The following ABAT variants were observed in gnomAD, a reference collection of about 807,000 sequenced individuals.
ABAT encodes 4-aminobutyrate aminotransferase.
In ABAT, 45 loss-of-function variants were observed where a neutral mutation model predicts 64.6. The ratio of observed to expected loss-of-function variants is 0.70; its 90% CI spans 0.55 to 0.89. The LOEUF (loss-of-function observed/expected upper bound fraction) is 0.89. Among genes scored for constraint, ABAT ranks in the 40% least tolerant of loss-of-function variants. The probability of loss-of-function intolerance (pLI) is 0.00; values close to 1 mark genes in which losing one functional copy is unlikely to be tolerated. For synonymous variants in ABAT, 297 were observed against 250.5 expected, an observed-to-expected ratio of 1.19 and a Z score of -1.75; for missense variants, 633 against 658.4, an observed-to-expected ratio of 0.96 and a Z score of 0.42.
At chr16:8,732,976 G>A (rs1357240350) in intron 1 of ABAT, among the ~76,000 whole-genome samples, 4 of 149,214 alleles carry the variant, frequency 2.7e-5, no homozygotes, top group Non-Finnish European at 4.4e-5. Context: ...CGGGCGGGGG[G>A]CTGATGCCCC....
intron 1 of ABAT, among the ~76,000 whole-genome samples, chr16:8,711,018 A>G (rs550882423): frequency 6.6e-6 from 1 of 152,300 alleles, no homozygotes; most frequent in Admixed American, 6.5e-5. Flanking sequence ...GATATACCCA[A>G]GTTTATTTTA....
intron 1 of ABAT, among the ~76,000 whole-genome samples, chr16:8,704,730 T>C (rs987556572): frequency 1.3e-5 from 2 of 152,216 alleles, no homozygotes; most frequent in African/African-American, 4.8e-5. Context: ...CCCTGTCTTT[T>C]TACACAGTTT....
At position 8,764,186 on chromosome 16, in the gene ABAT, G is replaced by T; in HGVS notation, c.447+37G>T. On this transcript the variant is annotated intron_variant, in intron 7 of 15. Transcript: ENST00000268251. This position sits in a 1 kb window ranked among gnomAD's most constrained non-coding sequence, Gnocchi z 4.2. ...AGAAGCAATCCCATTGTCTTCAGACGTGGTACTGGCAGGGGAAGGGAAAAG... is the reference window on the plus strand; with the variant it reads ...AGAAGCAATCCCATTGTCTTCAGACTTGGTACTGGCAGGGGAAGGGAAAAG... 3 of 1,559,900 alleles carry T rather than the reference G, an allele frequency of 1.9e-6. No individual in the cohort carries two copies. Among genetic ancestry groups the T allele is most frequent in the Non-Finnish European group, 2.6e-6 (3 of 1,132,476 alleles).
chr16:8,764,776 C>G lies in ABAT; in HGVS notation c.486C>G (p.Ala162=). ...GGATGTCCCAGCTCATCACCATGGC[C>G]TGCGGCTCCTGCTCCAATGAAAACG... is the stretch of plus-strand genomic sequence containing the variant. ...PKGMSQLITM[A]CGSCSNENAL... is the part of the protein sequence containing the mutation. The change falls in exon 8 of 16, where the codon GCC becomes GCG. Residue 162 remains alanine, a synonymous_variant. Coordinates refer to ENST00000268251, the MANE Select transcript of ABAT (RefSeq NM_020686.6). The surrounding 1 kb of genome is among the most constrained non-coding windows in gnomAD (Gnocchi z 4.2). 1 of 1,614,162 alleles carries G rather than the reference C, an allele frequency of 6.2e-7. No individual in the cohort carries two copies. Among genetic ancestry groups the G allele is most frequent in the African/African-American group, 1.3e-5 (1 of 75,036 alleles).
rs370219827 is a variant in ABAT, at chr16:8,680,616, C to T, written c.-42+5905C>T. Among the ~76,000 whole-genome samples, 8 of 152,128 alleles carry T rather than the reference C, an allele frequency of 5.3e-5. No individual in the cohort carries two copies. In the East Asian group the frequency reaches 1.4e-3, roughly 26 times the overall value. On this transcript the variant is annotated intron_variant, in intron 1 of 15. Coordinates refer to ENST00000268251, the MANE Select transcript of ABAT (RefSeq NM_020686.6). ...AATTTTTTTGTATTTTTAGTAGAGA[C>T]GGGGTTTCACCATGTTGGCCAGGCT...
intron 12 of ABAT, among the ~76,000 whole-genome samples, chr16:8,774,405 T>C (rs937137321): frequency 1.3e-4 from 20 of 152,288 alleles, no homozygotes; most frequent in African/African-American, 4.8e-4. Context: ...CTTGTGCATA[T>C]ATAACTGGCA....
chr16:8,776,285 G>A lies in ABAT; in HGVS notation c.1123-59G>A, dbSNP rs1567317467. 2.5e-6 allele frequency: 4 copies of A among 1,612,962 alleles called. No individual in the cohort carries two copies. The highest frequency in any genetic ancestry group is 3.4e-6 in the Non-Finnish European group (4 of 1,179,710). On this transcript the variant is annotated intron_variant, in intron 13 of 15. Transcript: ENST00000268251. The surrounding 1 kb of genome is among the most constrained non-coding windows in gnomAD (Gnocchi z 4.4). ...AGAGGAGGCGGGGCGCCTGGGGTAA[G>A]TGACTCCTGCAGGGTGTGCATGTGT...
At chr16:8,720,399 G>C (rs1468952043) in intron 1 of ABAT, among the ~76,000 whole-genome samples, 1 of 152,210 alleles carries the variant, frequency 6.6e-6, no homozygotes, top group East Asian at 1.9e-4. Flanking sequence ...ATGGACATTT[G>C]CCTGTTTCCA....
intron 11 of ABAT, among the ~76,000 whole-genome samples, chr16:8,771,151 C>T (rs940561143): frequency 3.3e-5 from 5 of 152,066 alleles, no homozygotes; most frequent in African/African-American, 4.8e-5. Context: ...CAAAATTAGC[C>T]GGGCATGGTG....
In ABAT at chr16:8,776,244, T is replaced by C. The variant is rs2060260098; in HGVS notation, c.1123-100T>C. On this transcript the variant is annotated intron_variant, in intron 13 of 15. Coordinates refer to ENST00000268251, the MANE Select transcript of ABAT (RefSeq NM_020686.6). The surrounding 1 kb of genome is among the most constrained non-coding windows in gnomAD (Gnocchi z 4.4). ...TCTGGTAGATGCCCACTAGATTAGT[T>C]TCTCTCCTCTTCAAGAGAGGAGGCG... The C allele has an allele frequency of 2.6e-6, 4 of 1,535,634 alleles. No homozygotes were observed. The highest frequency in any genetic ancestry group is 3.6e-6 in the Non-Finnish European group (4 of 1,116,280).
intron 3 of ABAT, among the ~76,000 whole-genome samples, chr16:8,746,953 C>T (rs1078511): frequency 0.5 from 76,629 of 151,914 alleles, 21,499 homozygotes; most frequent in Non-Finnish European, 0.61. Context: ...CTAGGTTAGG[C>T]GTGGCTTGAA....
At chr16:8,700,911 C>CTTTTTTTTTTTTTTTTTTTTTTT (rs1174749864) in intron 1 of ABAT, among the ~76,000 whole-genome samples, 1 of 131,566 alleles carries the variant, frequency 7.6e-6, no homozygotes, top group Non-Finnish European at 1.6e-5. Context: ...GGCCTTAATT[C>CTTTTTTTTTTTTTTTTTTTTTTT]TTTTTTTTTT....
At chr16:8,711,748 GTGGATGGATGGGAAGATGGATGGA>G (rs1314635361) in intron 1 of ABAT, among the ~76,000 whole-genome samples, 8 of 136,158 alleles carry the variant, frequency 5.9e-5, no homozygotes, top group African/African-American at 2.0e-4. Flanking sequence ...GGATGGATGG[GTGGATGGATGGGAAGATGGATGGA>G]TGGATGGATG....
chr16:8,772,878 C>T lies in ABAT; in HGVS notation c.915C>T (p.Ser305=). 3.7e-6 allele frequency: 6 copies of T among 1,613,968 alleles called. No homozygotes were observed. Among genetic ancestry groups the T allele is most frequent in the East Asian group, 2.2e-5 (1 of 44,878 alleles). ...IQSEGGDNHA[S]DDFFRKLRDI... Reference sequence around the variant, plus strand: ...CCGAGGGTGGAGACAACCACGCATCCGATGACTTCTTTCGGAAGCTGAGAG... The same window carrying T: ...CCGAGGGTGGAGACAACCACGCATCTGATGACTTCTTTCGGAAGCTGAGAG... The change falls in exon 12 of 16, where the codon TCC becomes TCT. Residue 305 remains serine (S), a synonymous_variant. Transcript: ENST00000268251.
At position 8,758,735 on chromosome 16, in the gene ABAT, G is replaced by A. The variant is rs551293778; in HGVS notation, c.366+929G>A. ...CCCCTGGTGGATACGGTAACCCCAC[G>A]TGAGAACCCCTGCAATACATGACAC... On this transcript the variant is annotated intron_variant, in intron 6 of 15. Transcript: ENST00000268251. Among the ~76,000 whole-genome samples the A allele has an allele frequency of 2.4e-4, 37 of 152,200 alleles. 1 individual carries two copies. The South Asian group carries it at 5.4e-3, about 22-fold the overall frequency.
chr16:8,779,034 G>C (rs79908739), intron 14 of ABAT, among the ~76,000 whole-genome samples: 10,827 of 152,234 alleles, frequency 0.071, 470 homozygotes, highest in Middle Eastern at 0.13. Flanking sequence ...TAGAAGAGCT[G>C]ACGATGGAGA....
At chr16:8,679,501 A>C (rs2057281573) in intron 1 of ABAT, among the ~76,000 whole-genome samples, 2 of 147,952 alleles carry the variant, frequency 1.4e-5, no homozygotes, top group African/African-American at 5.0e-5. Context: ...AAATAGCTAA[A>C]AGGCAAAGGA....
intron 1 of ABAT, among the ~76,000 whole-genome samples, chr16:8,715,815 T>A (rs2058201643): frequency 6.6e-6 from 1 of 152,116 alleles, no homozygotes; most frequent in Admixed American, 6.6e-5. Context: ...GAGAGTGACT[T>A]TGTATCTCAG....
chr16:8,701,445 G>A (rs2057820362), intron 1 of ABAT, among the ~76,000 whole-genome samples: 1 of 152,232 alleles, frequency 6.6e-6, no homozygotes, highest in East Asian at 1.9e-4. Flanking sequence ...CCCTTAGAAG[G>A]AGAGGGTGAG....
Sources: gnomAD v4.1 joint callset for allele counts (sites outside exome capture counted in the v4.1 genomes callset) on GRCh38, gnomAD v4.1.1 for gene constraint, Gnocchi (gnomAD v3.1) non-coding constraint, MANE v1.5 for transcripts, NCBI Gene and HGNC (gene_info 2026-07-23, HGNC 2026-07-21) for gene names.